The following TAF8 variants were observed in gnomAD, a reference collection of about 807,000 sequenced individuals.
The protein encoded by TAF8 is TATA-box binding protein associated factor 8.
In TAF8, 47 loss-of-function variants were observed where a neutral mutation model predicts 36.5. The observed-to-expected ratio is 1.29, with a 90% confidence interval of 1.02 to 1.64. The LOEUF (loss-of-function observed/expected upper bound fraction) is 1.64. Among genes scored for constraint, TAF8 ranks in the 40% most tolerant of loss-of-function variants. TAF8 has a pLI of 0.00. For missense variants in TAF8, 420 were observed against 407.6 expected, an observed-to-expected ratio of 1.03 and a Z score of -0.26; for synonymous variants, 175 against 159.5, an observed-to-expected ratio of 1.10 and a Z score of -0.73.
Position 42,081,040 on chromosome 6 carries a change from T to C in TAF8, c.*3495T>C, listed in dbSNP as rs1750600850. On this transcript the variant is annotated 3_prime_UTR_variant, in exon 9 of 9. Coordinates refer to ENST00000372977, the MANE Select transcript of TAF8 (RefSeq NM_138572.3). ...AACTTTTATTTTGGAAATTTTCAAA[T>C]ACAAAATTAGAGAGCAAAATATATG... 1 of 923,486 alleles carries C rather than the reference T, an allele frequency of 1.1e-6. No individual in the cohort carries two copies. 57.2% of individuals were successfully genotyped at this position (923,486 alleles called of 1,614,324 possible). A position where few individuals can be genotyped will look rare whatever the true frequency, so the allele number is the denominator to read the frequency against.
At chr6:42,051,688 T>C in intron 2 of TAF8, 175 bp downstream of exon 2, 1 of 616,884 alleles carries the variant, frequency 1.6e-6, no homozygotes. Context: ...GGGCCGAGCG[T>C]GGTGGCTCAC....
At chr6:42,056,507 A>G (rs1040903759) in intron 4 of TAF8, among the ~76,000 whole-genome samples, 7 of 152,344 alleles carry the variant, frequency 4.6e-5, no homozygotes, top group African/African-American at 1.7e-4. Context: ...ACAAACTTTG[A>G]TGACCTCTAC....
In TAF8 at chr6:42,077,805, G is replaced by T. The variant is rs1765805875; in HGVS notation, c.*260G>T. On this transcript the variant is annotated 3_prime_UTR_variant, in exon 9 of 9. Transcript: ENST00000372977. ...GAGTCTTACTCTATCACCCAGGCTG[G>T]AATGCAGTGGTGTGATCTCAGCTCA... 32 of 1,262,832 alleles carry T rather than the reference G, an allele frequency of 2.5e-5. No homozygotes were observed. The South Asian group carries it at 5.1e-4, about 20-fold the overall frequency. 78.2% of individuals were successfully genotyped at this position (1,262,832 alleles called of 1,614,324 possible).
In TAF8 at chr6:42,082,031, A is replaced by AT. The variant is rs1163821499; in HGVS notation, c.*4486_*4487insT. The AT allele has an allele frequency of 1.1e-4, 17 of 152,216 alleles. No homozygotes were observed. Among genetic ancestry groups the AT allele is most frequent in the Non-Finnish European group, 1.5e-5 (1 of 68,040 alleles). The allele number at this position is 152,216 out of a possible 1,614,324, so 9.4% of individuals were successfully genotyped here. Reference sequence around the variant, plus strand: ...GTGCAATATCAAAACCCTTGCATTCAGTTTCAGTGTACAATGTAGATGGTA... The same window carrying AT: ...GTGCAATATCAAAACCCTTGCATTCATGTTTCAGTGTACAATGTAGATGGTA... On this transcript the variant is annotated 3_prime_UTR_variant, in exon 9 of 9. Transcript: ENST00000372977.
In TAF8 at chr6:42,080,827, C is replaced by G. The variant is rs1193772108; in HGVS notation, c.*3282C>G. The G allele has an allele frequency of 2.0e-6, 2 of 978,582 alleles. No homozygotes were observed. Among genetic ancestry groups the G allele is most frequent in the Non-Finnish European group, 2.4e-6 (2 of 824,122 alleles). 60.6% of individuals were successfully genotyped at this position (978,582 alleles called of 1,614,324 possible). On this transcript the variant is annotated 3_prime_UTR_variant, in exon 9 of 9. Coordinates refer to ENST00000372977, the MANE Select transcript of TAF8 (RefSeq NM_138572.3). ...TAACTTTATGGGACTTCTTAGAGGC[C>G]AAAAGTAGTAAACATGCAGATTAAA...
rs1400678305 is a variant in TAF8 at position 42,080,442 on chromosome 6, G to A, written c.*2897G>A. ...GGCTGGAGTGCAATGGCGTGATCTC[G>A]GCTCACTGCAACCTCCACCTCCTGG... On this transcript the variant is annotated 3_prime_UTR_variant, in exon 9 of 9. Coordinates refer to ENST00000372977, the MANE Select transcript of TAF8 (RefSeq NM_138572.3). 5.0e-5 allele frequency: 40 copies of A among 805,896 alleles called. 1 individual carries two copies. Among genetic ancestry groups the A allele is most frequent in the South Asian group, 3.4e-4 (6 of 17,670 alleles). 49.9% of individuals were successfully genotyped at this position (805,896 alleles called of 1,614,324 possible).
At position 42,077,247 on chromosome 6, in the gene TAF8, G is replaced by A; in HGVS notation, c.920+8G>A. On this transcript the variant is annotated splice_region_variant and intron_variant, in intron 8 of 8. Coordinates refer to ENST00000372977, the MANE Select transcript of TAF8 (RefSeq NM_138572.3). ...CAAGATCCGCAGGAAGAAGTGAGTT[G>A]GAGGCTGGGGTCCAGAGAGCCTTCA... 1 of 1,610,480 alleles carries A rather than the reference G, an allele frequency of 6.2e-7. No individual in the cohort carries two copies.
intron 7 of TAF8, among the ~76,000 whole-genome samples, chr6:42,069,712 G>C (rs1321152037): frequency 2.0e-5 from 3 of 152,164 alleles, no homozygotes; most frequent in Non-Finnish European, 4.4e-5. Flanking sequence ...GGAGCAGTTA[G>C]GGCAGGAGAT....
At chr6:42,066,634 C>T (rs1582232250) in intron 6 of TAF8, among the ~76,000 whole-genome samples, 175 bp downstream of exon 6, 1 of 152,180 alleles carries the variant, frequency 6.6e-6, no homozygotes, top group Non-Finnish European at 1.5e-5. Flanking sequence ...CCTTAACTGA[C>T]GACTCCAAAA....
chr6:42,057,740 C>A, intron 5 of TAF8: 1 of 458,894 alleles, frequency 2.2e-6, no homozygotes, highest in Admixed American at 4.0e-5. Flanking sequence ...GGCAGCAGAG[C>A]AAGACCCTGT....
intron 7 of TAF8, among the ~76,000 whole-genome samples, chr6:42,072,133 G>C (rs776666500): frequency 1.3e-5 from 2 of 152,200 alleles, no homozygotes; most frequent in Admixed American, 1.3e-4. Flanking sequence ...AAGGGACAGG[G>C]GGAGCGTGAG....
At chr6:42,076,955 G>T in intron 7 of TAF8, 145 bp from the exon 8 acceptor site, 1 of 1,031,514 alleles carries the variant, frequency 9.7e-7, no homozygotes, top group Non-Finnish European at 1.4e-6. Context: ...TCGCTTCATC[G>T]GGGCAGAGAT....
chr6:42,080,956 G>A lies in TAF8; in HGVS notation c.*3411G>A. 1.0e-6 allele frequency: 1 copy of A among 985,276 alleles called. No individual in the cohort carries two copies. The highest frequency in any genetic ancestry group is 1.2e-6 in the Non-Finnish European group (1 of 829,864). 61.0% of individuals were successfully genotyped at this position (985,276 alleles called of 1,614,324 possible). The stretch of plus-strand genomic sequence containing the variant: ...TGTGTTCAAAAGTTAACAGCAATGT[G>A]GACAAATAAGTCAGGCTTAGCCCTT... On this transcript the variant is annotated 3_prime_UTR_variant, in exon 9 of 9. Coordinates refer to ENST00000372977, the MANE Select transcript of TAF8 (RefSeq NM_138572.3).
chr6:42,051,283 T>G (rs1764771184), intron 1 of TAF8, 74 bp from the exon 2 acceptor site: 3 of 1,411,562 alleles, frequency 2.1e-6, no homozygotes, highest in Non-Finnish European at 2.9e-6. Flanking sequence ...ATAACTTTGC[T>G]TGCCGTTGAC....
chr6:42,086,924 C>T (rs917484297), downstream of TAF8: 9 of 693,670 alleles, frequency 1.3e-5, no homozygotes, highest in Middle Eastern at 3.5e-4. Flanking sequence ...CCAGGCGCAG[C>T]CATCGGGAAG....
Position 42,057,420 on chromosome 6 carries a change from G to A in TAF8, c.396G>A (p.Lys132=). 1 of 1,614,052 alleles carries A rather than the reference G, an allele frequency of 6.2e-7. No homozygotes were observed. The highest frequency in any genetic ancestry group is 8.5e-7 in the Non-Finnish European group (1 of 1,180,000). ...PPVTNQPVTP[K]ALTAGQNRPH... is the part of the protein sequence containing the mutation. ...TGACCAATCAGCCAGTGACCCCCAA[G>A]GCCCTCACTGCAGGGCAGAACCGAC... Residue 132 remains lysine, a synonymous_variant, in exon 5 of 9, where the codon AAG becomes AAA. Coordinates refer to ENST00000372977, the MANE Select transcript of TAF8 (RefSeq NM_138572.3).
intron 2 of TAF8, among the ~76,000 whole-genome samples, chr6:42,055,010 A>G (rs1211739665): frequency 2.0e-5 from 3 of 150,132 alleles, no homozygotes; most frequent in African/African-American, 7.4e-5. Flanking sequence ...GCTCACTGCA[A>G]CCTCCTCCTT....
chr6:42,072,933 C>T (rs1765630561), intron 7 of TAF8, among the ~76,000 whole-genome samples: 1 of 151,890 alleles, frequency 6.6e-6, no homozygotes, highest in Non-Finnish European at 1.5e-5. Context: ...CCGTGTTAGC[C>T]AGGATGGTCT....
Position 42,080,838 on chromosome 6 carries a change from A to T in TAF8, c.*3293A>T, listed in dbSNP as rs186487351. 2 of 979,514 alleles carry T rather than the reference A, an allele frequency of 2.0e-6. No homozygotes were observed. 60.7% of individuals were successfully genotyped at this position (979,514 alleles called of 1,614,324 possible). On this transcript the variant is annotated 3_prime_UTR_variant, in exon 9 of 9. Transcript: ENST00000372977. ...GACTTCTTAGAGGCCAAAAGTAGTAAACATGCAGATTAAAAATGTTTATGA... is the reference window on the plus strand; with the variant it reads ...GACTTCTTAGAGGCCAAAAGTAGTATACATGCAGATTAAAAATGTTTATGA...
Sources: allele counts gnomAD v4.1 joint callset (sites outside exome capture counted in the v4.1 genomes callset), GRCh38; gene constraint gnomAD v4.1.1; transcripts MANE v1.5; gene names NCBI Gene and HGNC (gene_info 2026-07-23, HGNC 2026-07-21).